PRKG1: variants seen among roughly 807,000 people sequenced by gnomAD.
PRKG1 encodes the protein protein kinase cGMP-dependent 1.
A neutral mutation model predicts 88.1 loss-of-function variants in PRKG1; 35 were observed. The observed-to-expected ratio is 0.40, with a 90% confidence interval of 0.30 to 0.53. The LOEUF is 0.53. Ranked by LOEUF, PRKG1 falls within the 20% of genes least tolerant of loss-of-function variation. The pLI is 0.59. For missense variants in PRKG1, 540 were observed against 839.8 expected (o/e 0.64, Z 4.41); for synonymous variants, 303 against 292.5 (o/e 1.04, Z -0.37).
intron 9 of PRKG1, among the ~76,000 whole-genome samples, chr10:52,186,035 C>G (rs1424761803): frequency 6.6e-6 from 1 of 152,164 alleles, no homozygotes; most frequent in African/African-American, 2.4e-5. Context: ...TTTAAATACC[C>G]TTATAGCAAT....
chr10:51,400,518 G>A (rs1329511788), intron 2 of PRKG1, among the ~76,000 whole-genome samples: 2 of 152,156 alleles, frequency 1.3e-5, no homozygotes, highest in East Asian at 1.9e-4. Context: ...GTATTTTAGA[G>A]CTCCTCTGAT....
chr10:52,214,508 C>T (rs752764927), intron 9 of PRKG1, among the ~76,000 whole-genome samples: 1 of 151,972 alleles, frequency 6.6e-6, no homozygotes, highest in African/African-American at 2.4e-5. Context: ...GACTTTGGAG[C>T]GAGATTGAGA....
At chr10:51,357,722 A>C (rs1382715883) in intron 2 of PRKG1, among the ~76,000 whole-genome samples, 1 of 151,946 alleles carries the variant, frequency 6.6e-6, no homozygotes, top group Non-Finnish European at 1.5e-5. Context: ...TGAGAAAAAA[A>C]ATTTCTATAT....
At chr10:51,645,115 C>T (rs1839885585) in intron 3 of PRKG1, among the ~76,000 whole-genome samples, 1 of 152,194 alleles carries the variant, frequency 6.6e-6, no homozygotes, top group Admixed American at 6.5e-5. Flanking sequence ...AGCTGCCGCA[C>T]CCAGCATCTT....
intron 2 of PRKG1, among the ~76,000 whole-genome samples, chr10:51,259,635 G>C (rs12257728): frequency 2.6e-5 from 4 of 152,008 alleles, no homozygotes; most frequent in Non-Finnish European, 5.9e-5. Context: ...CACCACGCCC[G>C]TCTAATTTTT....
At chr10:51,832,355 A>C (rs529956328) in intron 4 of PRKG1, among the ~76,000 whole-genome samples, 1 of 152,336 alleles carries the variant, frequency 6.6e-6, no homozygotes, top group South Asian at 2.1e-4. Context: ...TGTATATAAG[A>C]TTCCTGGTCT....
intron 3 of PRKG1, among the ~76,000 whole-genome samples, chr10:51,543,004 A>G (rs928358457): frequency 1.3e-5 from 2 of 152,188 alleles, no homozygotes; most frequent in Admixed American, 6.6e-5. Context: ...GGAGTGGCGC[A>G]CCTGGCATTC....
chr10:51,036,461 G>A (rs1241357939), intron 1 of PRKG1, among the ~76,000 whole-genome samples: 2 of 152,112 alleles, frequency 1.3e-5, no homozygotes, highest in South Asian at 4.1e-4. Context: ...GGGGTGACTG[G>A]GGGGTGCAGA....
At chr10:51,058,458 G>A (rs764500011) in intron 1 of PRKG1, among the ~76,000 whole-genome samples, 2 of 151,964 alleles carry the variant, frequency 1.3e-5, no homozygotes, top group African/African-American at 4.8e-5. Context: ...TCCTACCCCA[G>A]TATCCAGTAT....
intron 2 of PRKG1, among the ~76,000 whole-genome samples, chr10:51,392,815 C>CCA (rs1198161496): frequency 1.1e-4 from 16 of 145,770 alleles, no homozygotes; most frequent in South Asian, 2.3e-4. Context: ...GGGGGGCTGA[C>CCA]CCCCCACCTC....
intron 9 of PRKG1, among the ~76,000 whole-genome samples, chr10:52,230,017 G>A (rs117413658): frequency 2.4e-4 from 37 of 152,122 alleles, no homozygotes; most frequent in African/African-American, 6.7e-4. Context: ...AAATTAAACC[G>A]TGAAAAAAAG....
At chr10:51,940,219 T>C (rs1307086501) in intron 5 of PRKG1, among the ~76,000 whole-genome samples, 1 of 151,908 alleles carries the variant, frequency 6.6e-6, no homozygotes, top group African/African-American at 2.4e-5. Context: ...TTTTTCCTTT[T>C]AAACATTTGG....
chr10:51,270,932 A>G (rs1589298016), intron 2 of PRKG1, among the ~76,000 whole-genome samples: 2 of 152,356 alleles, frequency 1.3e-5, no homozygotes, highest in East Asian at 3.9e-4. Context: ...CAGAAAAAGG[A>G]GAGCACATTC....
chr10:51,680,668 C>G (rs1329002538), intron 3 of PRKG1, among the ~76,000 whole-genome samples: 1 of 152,204 alleles, frequency 6.6e-6, no homozygotes, highest in Non-Finnish European at 1.5e-5. Context: ...TAATTGTGTT[C>G]CTATAGTACT....
chr10:51,032,242 T>C (rs1843292749), intron 1 of PRKG1, among the ~76,000 whole-genome samples: 2 of 152,130 alleles, frequency 1.3e-5, no homozygotes, highest in African/African-American at 4.8e-5. Flanking sequence ...TTGCAGCTCA[T>C]TGGCACCACC....
intron 2 of PRKG1, among the ~76,000 whole-genome samples, chr10:51,410,288 G>A (rs941893616): frequency 6.6e-6 from 1 of 151,412 alleles, no homozygotes; most frequent in Admixed American, 6.6e-5. Flanking sequence ...GTGTGTGTGT[G>A]TGTAGTATTG....
At chr10:51,374,865 T>C (rs1842786465) in intron 2 of PRKG1, among the ~76,000 whole-genome samples, 1 of 152,206 alleles carries the variant, frequency 6.6e-6, no homozygotes, top group Non-Finnish European at 1.5e-5. Context: ...CCTTTGCTGG[T>C]TGTCAGACTG....
intron 2 of PRKG1, among the ~76,000 whole-genome samples, chr10:51,323,238 G>T (rs1250414981): frequency 1.3e-5 from 2 of 152,124 alleles, no homozygotes; most frequent in African/African-American, 4.8e-5. Flanking sequence ...ACAGTAATTT[G>T]TTTCCTCAAA....
intron 5 of PRKG1, among the ~76,000 whole-genome samples, chr10:52,012,349 C>A (rs1844909946): frequency 6.6e-6 from 1 of 151,592 alleles, no homozygotes; most frequent in Non-Finnish European, 1.5e-5. Flanking sequence ...TCAAGCCATT[C>A]TCCTGCCTCA....
Sources: gnomAD v4.1 joint callset for allele counts (sites outside exome capture counted in the v4.1 genomes callset) on GRCh38, gnomAD v4.1.1 for gene constraint, MANE v1.5 for transcripts, NCBI Gene and HGNC (gene_info 2026-07-23, HGNC 2026-07-21) for gene names.